Variants in STPG2 observed in about 807,000 individuals in gnomAD.
The protein encoded by STPG2 is sperm tail PG-rich repeat containing 2.
A neutral mutation model predicts 54.2 loss-of-function variants in STPG2; 56 were observed. That is an observed-to-expected ratio of 1.03 (90% CI 0.83 to 1.29). STPG2 has a LOEUF of 1.29. Among genes scored for constraint, STPG2 ranks in the 50% most tolerant of loss-of-function variants. The pLI is 0.00. For synonymous variants in STPG2, 200 were observed against 181.8 expected (o/e 1.10, Z -0.81); for missense variants, 596 against 544.9 (o/e 1.09, Z -0.93).
intron 4 of STPG2, among the ~76,000 whole-genome samples, chr4:97,534,397 T>C (rs1446558740): frequency 6.6e-6 from 1 of 152,254 alleles, no homozygotes; most frequent in East Asian, 1.9e-4. Context: ...AGAAGTTATA[T>C]ACTGTTACCT....
chr4:97,627,886 G>A (rs531593241), intron 10 of STPG2, among the ~76,000 whole-genome samples: 4 of 152,102 alleles, frequency 2.6e-5, no homozygotes, highest in Non-Finnish European at 5.9e-5. Flanking sequence ...GTTTTAGTTG[G>A]GAGTATGAGA....
intron 9 of STPG2, among the ~76,000 whole-genome samples, chr4:97,786,945 A>C (rs188167821): frequency 6.6e-6 from 1 of 152,254 alleles, no homozygotes; most frequent in Admixed American, 6.5e-5. Flanking sequence ...AGGAAAAAAC[A>C]TAGTATAGTA....
intron 10 of STPG2, among the ~76,000 whole-genome samples, chr4:97,683,902 C>T (rs1289037741): frequency 6.6e-6 from 1 of 151,796 alleles, no homozygotes; most frequent in Non-Finnish European, 1.5e-5. Context: ...TAATAAGCAT[C>T]TATAGCAGAG....
At position 98,077,478 on chromosome 4, in the gene STPG2, C is replaced by T. The variant is rs938421375; in HGVS notation, c.612+28475G>A. Among the ~76,000 whole-genome samples, 29 of 152,190 alleles carry T rather than the reference C, an allele frequency of 1.9e-4. 1 individual carries two copies. The highest frequency in any genetic ancestry group is 3.4e-3 in the Middle Eastern group (1 of 294). ...GTCTGGATCTCCTGACCTGGTGATC[C>T]GCCTGCCTTGGCCTCCCAAAGTGCT... On this transcript the variant is annotated intron_variant, in intron 5 of 10. Coordinates refer to ENST00000295268, the MANE Select transcript of STPG2 (RefSeq NM_174952.3).
intron 10 of STPG2, among the ~76,000 whole-genome samples, chr4:97,694,593 G>A (rs572972704): frequency 6.6e-6 from 1 of 151,854 alleles, no homozygotes; most frequent in African/African-American, 2.4e-5. Flanking sequence ...TGGATCATGA[G>A]GTCAGGAGAT....
At chr4:97,943,100 G>C (rs1398654236) in intron 8 of STPG2, among the ~76,000 whole-genome samples, 1 of 152,072 alleles carries the variant, frequency 6.6e-6, no homozygotes, top group Admixed American at 6.6e-5. Context: ...CTCATAGACA[G>C]TATCTTCTCT....
chr4:97,815,588 G>C (rs1317506987), intron 9 of STPG2, among the ~76,000 whole-genome samples: 1 of 151,862 alleles, frequency 6.6e-6, no homozygotes, highest in Non-Finnish European at 1.5e-5. Flanking sequence ...TTATATTATG[G>C]TATTTAAGTA....
intron 8 of STPG2, among the ~76,000 whole-genome samples, chr4:97,930,511 C>T (rs569447990): frequency 4.6e-5 from 7 of 152,036 alleles, no homozygotes; most frequent in Admixed American, 4.6e-4. Flanking sequence ...CATGTCTGGT[C>T]TCTCTTTTTT....
At chr4:97,862,208 G>A (rs1578632967) in intron 8 of STPG2, among the ~76,000 whole-genome samples, 1 of 150,608 alleles carries the variant, frequency 6.6e-6, no homozygotes, top group African/African-American at 2.4e-5. Flanking sequence ...CTATGTGTGT[G>A]TGCAGAGACA....
chr4:97,643,883 C>T (rs975412588), intron 10 of STPG2, among the ~76,000 whole-genome samples: 2 of 151,672 alleles, frequency 1.3e-5, no homozygotes, highest in East Asian at 3.9e-4. Flanking sequence ...ATACCTATAG[C>T]CTACAAACTG....
chr4:97,816,327 G>A (rs755636490), intron 9 of STPG2, among the ~76,000 whole-genome samples: 3 of 152,100 alleles, frequency 2.0e-5, no homozygotes, highest in Non-Finnish European at 4.4e-5. Flanking sequence ...TGTGAACAGT[G>A]CTGCAATAAA....
intron 9 of STPG2, among the ~76,000 whole-genome samples, chr4:97,769,881 A>G (rs111878066): frequency 0.02 from 3,095 of 152,242 alleles, 99 homozygotes; most frequent in African/African-American, 0.071. Flanking sequence ...GAAATTCTGG[A>G]GGTGGCATAC....
intron 8 of STPG2, among the ~76,000 whole-genome samples, chr4:97,872,164 T>C (rs1045615737): frequency 6.6e-6 from 1 of 151,110 alleles, no homozygotes; most frequent in Admixed American, 6.6e-5. Flanking sequence ...TATATATGCT[T>C]AGTTACAAAG....
intron 9 of STPG2, among the ~76,000 whole-genome samples, chr4:97,828,897 C>A (rs940088414): frequency 6.6e-6 from 1 of 152,160 alleles, no homozygotes; most frequent in Non-Finnish European, 1.5e-5. Context: ...ATAAAACCCT[C>A]ATCTCCCTGG....
At position 97,493,136 on chromosome 4, in the gene STPG2, T is replaced by A. The variant is rs372274445; in HGVS notation, c.462+219563A>T. On this transcript the variant is annotated intron_variant, in intron 4 of 4. Coordinates refer to the STPG2 transcript ENST00000522676. Reference sequence around the variant, plus strand: ...AGGCCACCTAGAGACCAAGAGACATTTAGTCTGTATAGAAAGAGTAAAACG... The same window carrying A: ...AGGCCACCTAGAGACCAAGAGACATATAGTCTGTATAGAAAGAGTAAAACG... 2.5e-4 allele frequency among the ~76,000 whole-genome samples: 38 copies of A among 151,016 alleles called. 1 individual carries two copies. In the South Asian group the frequency reaches 7.5e-3, roughly 30 times the overall value.
chr4:97,492,688 C>T (rs570666486), intron 4 of STPG2, among the ~76,000 whole-genome samples: 1 of 150,072 alleles, frequency 6.7e-6, no homozygotes, highest in Admixed American at 6.7e-5. Context: ...TGGGGGTTGG[C>T]AGATTTTATA....
chr4:98,131,090 G>T (rs910225638), intron 2 of STPG2, among the ~76,000 whole-genome samples: 13 of 151,948 alleles, frequency 8.6e-5, no homozygotes, highest in Admixed American at 3.3e-4. Context: ...TATTCATGTG[G>T]TTTTTTCTGC....
At chr4:97,820,293 T>C (rs1029080167) in intron 9 of STPG2, among the ~76,000 whole-genome samples, 1 of 152,092 alleles carries the variant, frequency 6.6e-6, no homozygotes, top group Non-Finnish European at 1.5e-5. Context: ...CTCCCTCCCC[T>C]CCAGCCTCTC....
rs61775787 is a variant in STPG2, at chr4:97,635,876, C to T, written c.1321-76759G>A. ...GTGACCGACAAAGAGACTTAGACTC[C>T]CACACATTAACAATGGGAGACTTTA... On this transcript the variant is annotated intron_variant, in intron 10 of 10. Transcript: ENST00000295268. 6.4e-3 allele frequency among the ~76,000 whole-genome samples: 979 copies of T among 152,016 alleles called. 8 individuals carry two copies. The highest frequency in any genetic ancestry group is 0.023 in the African/African-American group (938 of 41,372).
Sources: allele counts gnomAD v4.1 joint callset (sites outside exome capture counted in the v4.1 genomes callset), GRCh38; gene constraint gnomAD v4.1.1; transcripts MANE v1.5; gene names NCBI Gene and HGNC (gene_info 2026-07-23, HGNC 2026-07-21).